The following SH3PXD2A variants were observed in gnomAD, a reference collection of about 807,000 sequenced individuals.
SH3PXD2A encodes SH3 and PX domains 2A.
In SH3PXD2A, 32 loss-of-function variants were observed where a neutral mutation model predicts 115.2. The observed-to-expected ratio is 0.28, with a 90% confidence interval of 0.21 to 0.37. The LOEUF is 0.37. Ranked by LOEUF, SH3PXD2A falls within the 10% of genes least tolerant of loss-of-function variation. The pLI, the probability that SH3PXD2A is intolerant of heterozygous loss-of-function variation, is 1.00. For synonymous variants in SH3PXD2A, 610 were observed against 629.1 expected (o/e 0.97, Z 0.45); for missense variants, 1,328 against 1,498.7 (o/e 0.89, Z 1.88).
intron 3 of SH3PXD2A, chr10:103,736,749 C>T (rs2038385133): frequency 1.6e-6 from 2 of 1,288,006 alleles, no homozygotes; most frequent in South Asian, 2.5e-5. Flanking sequence ...CATTTTGGGG[C>T]CCATGAGCTT....
chr10:103,596,298 G>C lies in SH3PXD2A; in HGVS notation c.*5518C>G, dbSNP rs1295749952. 6.6e-6 allele frequency: 1 copy of C among 152,586 alleles called. No individual in the cohort carries two copies. The highest frequency in any genetic ancestry group is 2.4e-5 in the African/African-American group (1 of 41,436). The allele number at this position is 152,586 out of a possible 1,614,324, so 9.5% of individuals were successfully genotyped here. ...GGGATGACCTAACTGAACCAACTCAGTGTTTCTATTCCCAGTGGCATCTCT... is the reference window on the plus strand; with the variant it reads ...GGGATGACCTAACTGAACCAACTCACTGTTTCTATTCCCAGTGGCATCTCT... On this transcript the variant is annotated 3_prime_UTR_variant, in exon 15 of 15. Coordinates refer to ENST00000369774, the MANE Select transcript of SH3PXD2A (RefSeq NM_001394015.1).
At chr10:103,777,814 C>G (rs1285565549) in intron 2 of SH3PXD2A, among the ~76,000 whole-genome samples, 1 of 152,140 alleles carries the variant, frequency 6.6e-6, no homozygotes, top group Non-Finnish European at 1.5e-5. Context: ...TGCTGGGCAA[C>G]TGGGGCAAAT....
At chr10:103,612,523 AAAG>A (rs2036444255) in intron 12 of SH3PXD2A, among the ~76,000 whole-genome samples, 1 of 152,354 alleles carries the variant, frequency 6.6e-6, no homozygotes, top group East Asian at 1.9e-4. Context: ...ACCATAAGGA[AAAG>A]AAAACATTTC....
chr10:103,700,248 T>A (rs559921236), intron 5 of SH3PXD2A, among the ~76,000 whole-genome samples: 1 of 152,374 alleles, frequency 6.6e-6, no homozygotes, highest in East Asian at 1.9e-4. Flanking sequence ...AACAAGTGAC[T>A]TCACCTCTCT....
rs759450696 is a variant in SH3PXD2A, at chr10:103,605,834, G to A, written c.1392C>T (p.Ser464=). The A allele has an allele frequency of 1.9e-6, 3 of 1,613,462 alleles. No homozygotes were observed. Among genetic ancestry groups the A allele is most frequent in the South Asian group, 1.1e-5 (1 of 91,072 alleles). Residue 464 remains serine (S), a synonymous_variant, in exon 14 of 15, where the codon TCC becomes TCT. Coordinates refer to ENST00000369774, the MANE Select transcript of SH3PXD2A (RefSeq NM_001394015.1). ...GTCCACCCCGAAAGCTGATGCCATCGGAAATGCACGACTGGAATTCGGCAA... is the reference window on the plus strand; with the variant it reads ...GTCCACCCCGAAAGCTGATGCCATCAGAAATGCACGACTGGAATTCGGCAA... ...YTIAEFQSCI[S]DGISFRGGQK... is the part of the protein sequence containing the mutation.
At chr10:103,854,171 G>T (rs996087884) in intron 1 of SH3PXD2A, among the ~76,000 whole-genome samples, 11 of 152,216 alleles carry the variant, frequency 7.2e-5, no homozygotes, top group Non-Finnish European at 4.4e-5. Context: ...GGAAGAAAAG[G>T]CACTTCAGAG....
At chr10:103,638,322 A>T (rs923362139) in intron 8 of SH3PXD2A, among the ~76,000 whole-genome samples, 1 of 152,202 alleles carries the variant, frequency 6.6e-6, no homozygotes, top group African/African-American at 2.4e-5. Flanking sequence ...GTGTCAAGAC[A>T]GCCTGGGCTG....
At chr10:103,612,358 G>A (rs1040539556) in intron 12 of SH3PXD2A, among the ~76,000 whole-genome samples, 5 of 152,166 alleles carry the variant, frequency 3.3e-5, no homozygotes, top group Admixed American at 3.3e-4. Flanking sequence ...CATAGGGAAG[G>A]AGCTGCTAAG....
At chr10:103,658,668 A>G (rs1381889606) in intron 8 of SH3PXD2A, among the ~76,000 whole-genome samples, 1 of 152,192 alleles carries the variant, frequency 6.6e-6, no homozygotes, top group Admixed American at 6.5e-5. Flanking sequence ...TCCTGTGCAA[A>G]TATCTGCAGC....
intron 1 of SH3PXD2A, among the ~76,000 whole-genome samples, chr10:103,814,065 A>G (rs1057173848): frequency 6.6e-6 from 1 of 152,072 alleles, no homozygotes; most frequent in African/African-American, 2.4e-5. Flanking sequence ...ATTACAGAGT[A>G]ATTTGTACTA....
chr10:103,750,030 G>A (rs1260643924), intron 3 of SH3PXD2A: 1 of 152,200 alleles, frequency 6.6e-6, no homozygotes, highest in African/African-American at 2.4e-5. Flanking sequence ...CTGGCCCACA[G>A]AGACTATGCT....
chr10:103,645,725 C>A (rs1332510930), intron 8 of SH3PXD2A, among the ~76,000 whole-genome samples: 1 of 152,222 alleles, frequency 6.6e-6, no homozygotes, highest in Non-Finnish European at 1.5e-5. Context: ...CAGGCCTCTA[C>A]TGGGAATCTT....
chr10:103,626,606 TAAAAAAAAAAAAAGAAAAAG>T (rs1232693148), intron 9 of SH3PXD2A, among the ~76,000 whole-genome samples: 1 of 114,686 alleles, frequency 8.7e-6, no homozygotes, highest in South Asian at 2.7e-4. Flanking sequence ...TGTTTGGAAT[TAAAAAAAAAAAAAGAAAAAG>T]AAAAAAAAAA....
intron 1 of SH3PXD2A, among the ~76,000 whole-genome samples, chr10:103,803,249 G>A (rs1302199158): frequency 1.3e-5 from 2 of 152,114 alleles, no homozygotes; most frequent in Non-Finnish European, 2.9e-5. Context: ...ATGACATGTG[G>A]CCCTGATACA....
At position 103,627,048 on chromosome 10, in the gene SH3PXD2A, G is replaced by A; in HGVS notation, c.718+41C>T. On this transcript the variant is annotated intron_variant, in intron 9 of 14. Coordinates refer to ENST00000369774, the MANE Select transcript of SH3PXD2A (RefSeq NM_001394015.1). This position sits in a 1 kb window ranked among gnomAD's most constrained non-coding sequence, Gnocchi z 4.4. ...AAAGAGTGAGAGAGCTGCCTCCAGA[G>A]GCCGCGTTGCTCCCTGCCCCTTGGA... 1.1e-5 allele frequency: 12 copies of A among 1,108,546 alleles called. No homozygotes were observed. Among genetic ancestry groups the A allele is most frequent in the Non-Finnish European group, 1.7e-5 (12 of 720,320 alleles). 68.7% of individuals were successfully genotyped at this position (1,108,546 alleles called of 1,614,324 possible).
chr10:103,702,131 T>C (rs1292575293), intron 5 of SH3PXD2A, among the ~76,000 whole-genome samples: 1 of 150,212 alleles, frequency 6.7e-6, no homozygotes, highest in Non-Finnish European at 1.5e-5. Flanking sequence ...CCATCATTCA[T>C]CTACCATTCA....
intron 11 of SH3PXD2A, among the ~76,000 whole-genome samples, chr10:103,614,311 A>C (rs1322639483): frequency 6.6e-6 from 1 of 152,176 alleles, no homozygotes; most frequent in African/African-American, 2.4e-5. Flanking sequence ...AAAAACAAGT[A>C]AGACAGACAC....
chr10:103,630,824 C>G (rs966047433), intron 8 of SH3PXD2A, among the ~76,000 whole-genome samples: 1 of 151,796 alleles, frequency 6.6e-6, no homozygotes, highest in South Asian at 2.1e-4. Context: ...CATTTGGGCT[C>G]CTGGTTCCAG....
chr10:103,805,168 C>T (rs570099141), intron 1 of SH3PXD2A, among the ~76,000 whole-genome samples: 103 of 152,360 alleles, frequency 6.8e-4, no homozygotes, highest in African/African-American at 2.4e-3. Flanking sequence ...GGCTTCCCTT[C>T]ACCTCCCAGA....
Sources: allele counts gnomAD v4.1 joint callset (sites outside exome capture counted in the v4.1 genomes callset), GRCh38; gene constraint gnomAD v4.1.1; non-coding constraint Gnocchi (gnomAD v3.1); transcripts MANE v1.5; gene names NCBI Gene and HGNC (gene_info 2026-07-23, HGNC 2026-07-21).